Variants in ADAMTSL3 observed in about 807,000 individuals in gnomAD.
The protein encoded by ADAMTSL3 is ADAMTS-like protein 3.
ADAMTSL3 carries 128 observed loss-of-function variants against 201.7 expected under a neutral mutation model. That is an observed-to-expected ratio of 0.63 (90% CI 0.55 to 0.73). The LOEUF is 0.73. Among genes scored for constraint, ADAMTSL3 ranks in the 30% least tolerant of loss-of-function variants. The pLI is 0.00. For synonymous variants in ADAMTSL3, 738 were observed against 748.4 expected, an observed-to-expected ratio of 0.99 and a Z score of 0.23; for missense variants, 1,990 against 2,119.6, an observed-to-expected ratio of 0.94 and a Z score of 1.20.
intron 19 of ADAMTSL3, among the ~76,000 whole-genome samples, chr15:83,963,412 C>T (rs974372965): frequency 5.9e-5 from 9 of 152,174 alleles, no homozygotes; most frequent in South Asian, 2.1e-4. Context: ...CTGGGTGGAG[C>T]CCACCACAGC....
chr15:83,739,900 AAGACCAGTGGG>A, intron 3 of ADAMTSL3: 2 of 589,672 alleles, frequency 3.4e-6, no homozygotes, highest in Non-Finnish European at 6.7e-6. Context: ...TGCCAGTGAC[AAGACCAGTGGG>A]AGAGAAGACG....
intron 3 of ADAMTSL3, among the ~76,000 whole-genome samples, chr15:83,724,192 G>A (rs1471327933): frequency 1.3e-5 from 2 of 151,724 alleles, no homozygotes; most frequent in Admixed American, 1.3e-4. Context: ...TCTGCCTCTT[G>A]GGTTCAAGTG....
chr15:83,696,968 G>A (rs896568121), intron 2 of ADAMTSL3, among the ~76,000 whole-genome samples: 2 of 152,166 alleles, frequency 1.3e-5, no homozygotes, highest in African/African-American at 4.8e-5. Flanking sequence ...AGAAAGGCTA[G>A]GTCCCTTCAC....
At chr15:83,810,115 C>A (rs980049420) in intron 5 of ADAMTSL3, among the ~76,000 whole-genome samples, 7 of 152,112 alleles carry the variant, frequency 4.6e-5, no homozygotes, top group African/African-American at 1.7e-4. Context: ...AAAATGGGTG[C>A]CTATTTACTG....
Position 84,016,438 on chromosome 15 carries a change from T to G in ADAMTSL3, c.4212T>G (p.Ile1404Met), listed in dbSNP as rs746746221. Residue 1404 changes from isoleucine (I) to methionine (M), a missense_variant, in exon 25 of 30, where the codon ATT (isoleucine) becomes ATG (methionine). Ile to Met is a conservative substitution (Grantham distance 10, BLOSUM62 1). Coordinates refer to ENST00000286744, the MANE Select transcript of ADAMTSL3 (RefSeq NM_207517.3). ...IVFLQGHKKY[I>M]LQATNTRTNS... The stretch of plus-strand genomic sequence containing the variant: ...TTCTGCAAGGACATAAAAAGTACAT[T>G]CTCCAGGCAACCAACACTAGAACCA... The G allele has an allele frequency of 6.2e-6, 10 of 1,613,988 alleles. No homozygotes were observed. In the East Asian group the frequency reaches 2.2e-4, roughly 36 times the overall value.
chr15:83,966,157 G>A (rs2067080097), intron 19 of ADAMTSL3, among the ~76,000 whole-genome samples: 1 of 152,050 alleles, frequency 6.6e-6, no homozygotes, highest in Admixed American at 6.6e-5. Flanking sequence ...TCAAAAGCTA[G>A]CAGAAGACAA....
At chr15:83,658,386 G>A (rs1171378051) in intron 2 of ADAMTSL3, among the ~76,000 whole-genome samples, 1 of 152,238 alleles carries the variant, frequency 6.6e-6, no homozygotes, top group Non-Finnish European at 1.5e-5. Context: ...TGGGATTACA[G>A]ATGTGAGCCA....
chr15:83,823,879 C>T (rs772032472), intron 6 of ADAMTSL3, among the ~76,000 whole-genome samples: 1 of 141,468 alleles, frequency 7.1e-6, no homozygotes, highest in African/African-American at 2.8e-5. Context: ...GACTCCATTT[C>T]CTTCTTCTTC....
chr15:83,753,899 G>A lies in ADAMTSL3; in HGVS notation c.190-19624G>A, dbSNP rs183218170. On this transcript the variant is annotated intron_variant, in intron 3 of 29. Transcript: ENST00000286744. ...GATAAACGAAAGTGAAGCAGTTTGC[G>A]TTGTTATAACTTTATCTGAAGGTTG... Among the ~76,000 whole-genome samples the A allele has an allele frequency of 7.9e-5, 12 of 152,284 alleles. No individual in the cohort carries two copies. The East Asian group carries it at 1.5e-3, about 20-fold the overall frequency.
intron 17 of ADAMTSL3, among the ~76,000 whole-genome samples, chr15:83,926,792 T>A (rs1567241005): frequency 6.6e-6 from 1 of 152,014 alleles, no homozygotes; most frequent in Non-Finnish European, 1.5e-5. Context: ...ATTTTTTGTA[T>A]TTTTAGTAGA....
chr15:83,847,659 C>G (rs1184773894), intron 7 of ADAMTSL3, among the ~76,000 whole-genome samples: 1 of 152,030 alleles, frequency 6.6e-6, no homozygotes, highest in Non-Finnish European at 1.5e-5. Context: ...CCATGCCCGG[C>G]TAATTTTGTA....
rs1430444939 is a variant in ADAMTSL3 at position 83,892,826 on chromosome 15, A to G, written c.1405A>G (p.Lys469Glu). Residue 469 changes from lysine to glutamate, a missense_variant, in exon 13 of 30, where the codon AAG becomes GAG. Coordinates refer to ENST00000286744, the MANE Select transcript of ADAMTSL3 (RefSeq NM_207517.3). ...EWKCMYAPKP[K>E]VMQTCNLFDC... ...GAAGTGCATGTACGCACCCAAACCC[A>G]AGGTTATGCAAACTTGTAATCTGTT... 6 of 1,614,078 alleles carry G rather than the reference A, an allele frequency of 3.7e-6. No individual in the cohort carries two copies. The East Asian group carries it at 1.3e-4, about 36-fold the overall frequency.
chr15:83,828,037 T>C (rs905297193), intron 6 of ADAMTSL3, among the ~76,000 whole-genome samples: 2 of 152,222 alleles, frequency 1.3e-5, no homozygotes, highest in Admixed American at 1.3e-4. Context: ...TAAAGTAGTT[T>C]TTCCAATTCT....
chr15:83,908,714 TTTTGTTAGCCAG>T lies in ADAMTSL3; in HGVS notation c.1701-4377_1701-4366del. On this transcript the variant is annotated intron_variant, in intron 15 of 29. Transcript: ENST00000286744. ...GACAATTCTTTCTTCATGCTCAAAG[TTTTGTTAGCCAG>T]GTGTATTCATTTTCCATAGCTGCTA... Among the ~76,000 whole-genome samples, 4 of 152,312 alleles carry T rather than the reference TTTTGTTAGCCAG, an allele frequency of 2.6e-5. No individual in the cohort carries two copies. The Middle Eastern group carries it at 0.014, about 518-fold the overall frequency.
chr15:83,953,063 T>A (rs984523298), intron 19 of ADAMTSL3, among the ~76,000 whole-genome samples: 2 of 152,202 alleles, frequency 1.3e-5, no homozygotes, highest in African/African-American at 4.8e-5. Flanking sequence ...GATCAATGGC[T>A]CTTGTTTTTT....
chr15:83,968,057 T>C (rs2067122605), intron 19 of ADAMTSL3, among the ~76,000 whole-genome samples: 1 of 152,126 alleles, frequency 6.6e-6, no homozygotes, highest in Non-Finnish European at 1.5e-5. Flanking sequence ...GACTTAAACA[T>C]AAGACCTAAA....
intron 16 of ADAMTSL3, among the ~76,000 whole-genome samples, chr15:83,919,966 A>G (rs1358101175): frequency 6.6e-6 from 1 of 152,198 alleles, no homozygotes; most frequent in African/African-American, 2.4e-5. Flanking sequence ...GTGCATATGA[A>G]TATTTGCTGA....
At chr15:83,917,597 A>C (rs534109284) in intron 16 of ADAMTSL3, among the ~76,000 whole-genome samples, 1 of 152,182 alleles carries the variant, frequency 6.6e-6, no homozygotes, top group African/African-American at 2.4e-5. Context: ...AATTTATTAC[A>C]TCATAAACAT....
intron 5 of ADAMTSL3, among the ~76,000 whole-genome samples, chr15:83,805,693 C>CAAAGACCAA (rs2063592498): frequency 6.6e-6 from 1 of 152,120 alleles, no homozygotes; most frequent in Non-Finnish European, 1.5e-5. Flanking sequence ...CCTCTTCATA[C>CAAAGACCAA]ACAAAAAGAC....
Sources: gnomAD v4.1 joint callset for allele counts (sites outside exome capture counted in the v4.1 genomes callset) on GRCh38, gnomAD v4.1.1 for gene constraint, MANE v1.5 for transcripts, NCBI Gene and HGNC (gene_info 2026-07-23, HGNC 2026-07-21) for gene names.